Variants in INTS4 observed in about 807,000 individuals in gnomAD.
INTS4 encodes integrator complex subunit 4.
Under a neutral mutation model 119.5 loss-of-function variants are expected in INTS4, and 70 were observed. The ratio of observed to expected loss-of-function variants is 0.59; its 90% confidence interval spans 0.48 to 0.71. INTS4 has a LOEUF of 0.71. INTS4 is among the 30% of genes least tolerant of loss of function. INTS4 has a pLI of 0.00. For synonymous variants in INTS4, 316 were observed against 419.6 expected, an observed-to-expected ratio of 0.75 and a Z score of 3.02; for missense variants, 867 against 1,173.2, an observed-to-expected ratio of 0.74 and a Z score of 3.81.
chr11:77,929,738 T>A (rs1412968619), intron 10 of INTS4, among the ~76,000 whole-genome samples: 1 of 152,106 alleles, frequency 6.6e-6, no homozygotes, highest in African/African-American at 2.4e-5. Flanking sequence ...TCCACTAAGT[T>A]GGAGGGTGAT....
At chr11:77,943,153 T>C (rs1953968479) in intron 8 of INTS4, among the ~76,000 whole-genome samples, 2 of 152,138 alleles carry the variant, frequency 1.3e-5, no homozygotes, top group Admixed American at 1.3e-4. Flanking sequence ...TCATCCATAA[T>C]TCCCAGTGCC....
At chr11:77,947,610 C>T (rs1248907579) in intron 8 of INTS4, among the ~76,000 whole-genome samples, 1 of 152,120 alleles carries the variant, frequency 6.6e-6, no homozygotes, top group African/African-American at 2.4e-5. Context: ...ACAGATCAAA[C>T]CCCAGTGATA....
At chr11:77,986,095 T>C (rs568887050) in intron 2 of INTS4, among the ~76,000 whole-genome samples, 22 of 152,336 alleles carry the variant, frequency 1.4e-4, no homozygotes, top group African/African-American at 5.1e-4. Context: ...GTCCACTTGA[T>C]TAATGCATGC....
chr11:77,884,570 T>TC (rs1951919451), intron 21 of INTS4, among the ~76,000 whole-genome samples: 1 of 152,182 alleles, frequency 6.6e-6, no homozygotes, highest in South Asian at 2.1e-4. Flanking sequence ...ATGAAGCTTA[T>TC]CCTAGGACTA....
chr11:77,923,315 C>CAAAAAAAA (rs35475320), intron 12 of INTS4, among the ~76,000 whole-genome samples: 2 of 87,978 alleles, frequency 2.3e-5, no homozygotes, highest in Non-Finnish European at 4.4e-5. Context: ...GACTCTGTCT[C>CAAAAAAAA]AAAAAAAAAA....
At chr11:77,949,463 T>C (rs1954132268) in intron 8 of INTS4, among the ~76,000 whole-genome samples, 1 of 145,656 alleles carries the variant, frequency 6.9e-6, no homozygotes, top group Non-Finnish European at 1.5e-5. Context: ...TTTTGCAATC[T>C]ATCCATCTGC....
Position 77,891,521 on chromosome 11 carries a change from C to T in INTS4, c.2449-59G>A, listed in dbSNP as rs570852803. On this transcript the variant is annotated intron_variant, in intron 20 of 22. Transcript: ENST00000534064. ...GCCAGGTCATTCCTGGATGAGAAAA[C>T]GCATCTTTTTTCTGTCTCCTTATCT... 5.8e-4 allele frequency: 921 copies of T among 1,599,522 alleles called. 13 individuals are homozygous for T. The South Asian group carries it at 9.0e-3, about 16-fold the overall frequency.
intron 10 of INTS4, among the ~76,000 whole-genome samples, chr11:77,937,817 G>GTATTTATTTATTTATTTATTTATT: frequency 6.8e-6 from 1 of 146,620 alleles, no homozygotes; most frequent in Non-Finnish European, 1.5e-5. Flanking sequence ...ATATCTTTCT[G>GTATTTATTTATTTATTTATTTATT]TATTTATTTA....
chr11:77,979,722 G>A (rs1317602209), intron 3 of INTS4, among the ~76,000 whole-genome samples: 1 of 150,168 alleles, frequency 6.7e-6, no homozygotes, highest in Non-Finnish European at 1.5e-5. Context: ...GCTTATGCCT[G>A]TAATCCCAGC....
intron 2 of INTS4, among the ~76,000 whole-genome samples, chr11:77,989,078 A>C (rs1395319712): frequency 6.6e-6 from 1 of 152,222 alleles, no homozygotes; most frequent in Non-Finnish European, 1.5e-5. Flanking sequence ...AAAAATAAAA[A>C]GTCCCTCTAC....
chr11:77,944,674 A>G, intron 8 of INTS4, among the ~76,000 whole-genome samples: 1 of 152,254 alleles, frequency 6.6e-6, no homozygotes, highest in East Asian at 1.9e-4. Flanking sequence ...CAACATCCCA[A>G]TTCCAAAAAT....
At chr11:77,880,951 A>C (rs1407775150) in intron 22 of INTS4, among the ~76,000 whole-genome samples, 2 of 152,164 alleles carry the variant, frequency 1.3e-5, no homozygotes, top group East Asian at 3.8e-4. Context: ...AAACAAAAAA[A>C]CAAAAAAACA....
chr11:77,878,659 T>C (rs985799870), downstream of INTS4: 8 of 649,000 alleles, frequency 1.2e-5, no homozygotes, highest in Admixed American at 1.1e-4. Context: ...TGTAAGCACG[T>C]AGTATAAAAG....
intron 4 of INTS4, among the ~76,000 whole-genome samples, chr11:77,967,666 T>G (rs894553878): frequency 1.3e-5 from 2 of 152,148 alleles, no homozygotes; most frequent in Non-Finnish European, 2.9e-5. Context: ...TTATACATTA[T>G]GAGGGACACA....
chr11:77,908,513 G>A (rs1953016457), intron 15 of INTS4, among the ~76,000 whole-genome samples: 2 of 152,098 alleles, frequency 1.3e-5, no homozygotes, highest in South Asian at 4.2e-4. Flanking sequence ...ATTTTTAGTA[G>A]AGACAGGGTT....
intron 15 of INTS4, 51 bp downstream of exon 15, chr11:77,918,770 A>G: frequency 6.3e-7 from 1 of 1,596,462 alleles, no homozygotes; most frequent in Non-Finnish European, 8.5e-7. Flanking sequence ...AGAACAGTCA[A>G]GCTGAGTGTA....
intron 15 of INTS4, among the ~76,000 whole-genome samples, chr11:77,908,360 G>A (rs1431090878): frequency 1.4e-5 from 2 of 146,890 alleles, no homozygotes; most frequent in African/African-American, 2.5e-5. Context: ...GTGGAGTCTC[G>A]CTCTGTTGCC....
At chr11:77,885,724 C>A (rs181907061) in intron 21 of INTS4, among the ~76,000 whole-genome samples, 110 of 152,088 alleles carry the variant, frequency 7.2e-4, no homozygotes, top group Middle Eastern at 6.8e-3. Flanking sequence ...GAGGCTGAAG[C>A]AGGAGAATCA....
chr11:77,908,074 C>T (rs988357887), intron 15 of INTS4, among the ~76,000 whole-genome samples: 1 of 220 alleles, frequency 4.5e-3, no homozygotes, highest in African/African-American at 0.015. Flanking sequence ...CATAGCTTTA[C>T]ACTGAAAAGT....
Sources: gnomAD v4.1 joint callset for allele counts (sites outside exome capture counted in the v4.1 genomes callset) on GRCh38, gnomAD v4.1.1 for gene constraint, MANE v1.5 for transcripts, NCBI Gene and HGNC (gene_info 2026-07-23, HGNC 2026-07-21) for gene names.